Variants in LLGL2 observed in about 807,000 individuals in gnomAD.
LLGL2 encodes LLGL2, scribble cell polarity complex component.
A neutral mutation model predicts 123.2 loss-of-function variants in LLGL2; 81 were observed. The ratio of observed to expected loss-of-function variants is 0.66; its 90% CI spans 0.55 to 0.79. The LOEUF is 0.79. LLGL2 is among the 30% of genes least tolerant of loss of function. The pLI is 0.00. For missense variants in LLGL2, 1,273 were observed against 1,414.6 expected, an observed-to-expected ratio of 0.90 and a Z score of 1.61; for synonymous variants, 577 against 594.1, an observed-to-expected ratio of 0.97 and a Z score of 0.42.
At chr17:75,536,787 A>G (rs2054018512) in intron 1 of LLGL2, among the ~76,000 whole-genome samples, 1 of 152,164 alleles carries the variant, frequency 6.6e-6, no homozygotes, top group Admixed American at 6.5e-5. Context: ...CTTTGTACAT[A>G]TAGTCCCATG....
chr17:75,563,517 G>T, intron 8 of LLGL2, 54 bp downstream of exon 8: 1 of 1,601,292 alleles, frequency 6.2e-7, no homozygotes, highest in Non-Finnish European at 8.5e-7. Context: ...CTGGATTCAG[G>T]TGCAGGTTGC....
At chr17:75,535,258 T>C (rs2053956204) in intron 1 of LLGL2, among the ~76,000 whole-genome samples, 1 of 152,224 alleles carries the variant, frequency 6.6e-6, no homozygotes, top group South Asian at 2.1e-4. Flanking sequence ...CACTCAGGCC[T>C]CACACAGGAT....
At position 75,571,060 on chromosome 17, in the gene LLGL2, C is replaced by T. The variant is rs763958592; in HGVS notation, c.2136C>T (p.Phe712=). The change falls in exon 17 of 26, where the codon TTC becomes TTT. Residue 712 remains phenylalanine, a synonymous_variant. Transcript: ENST00000392550. ...ARSAEDSFTG[F]VRTLYFADTY... is the part of the protein sequence containing the mutation. ...CGGCAGAGGACTCCTTCACAGGCTT[C>T]GTCCGGACCCTGTACTTTGCTGACA... 35 of 1,612,720 alleles carry T rather than the reference C, an allele frequency of 2.2e-5. No homozygotes were observed. The highest frequency in any genetic ancestry group is 4.5e-5 in the East Asian group (2 of 44,864).
intron 1 of LLGL2, among the ~76,000 whole-genome samples, chr17:75,539,004 C>T (rs571733619): frequency 7.2e-4 from 110 of 152,182 alleles, no homozygotes; most frequent in Admixed American, 1.0e-3. Flanking sequence ...CTGATCTTCC[C>T]GCCTCAGCCT....
At chr17:75,532,458 C>G (rs1398460401) in intron 1 of LLGL2, 1 of 152,216 alleles carries the variant, frequency 6.6e-6, no homozygotes, top group Non-Finnish European at 1.5e-5. Context: ...GAGTCTCGCT[C>G]TGTCGCCCAG....
chr17:75,526,277 C>CT (rs1206270627), intron 1 of LLGL2, among the ~76,000 whole-genome samples: 4 of 152,278 alleles, frequency 2.6e-5, no homozygotes, highest in African/African-American at 9.6e-5. Flanking sequence ...CCCCTGCCAT[C>CT]TGGGCTGTGT....
Position 75,552,940 on chromosome 17 carries a change from C to T in LLGL2, c.76-3106C>T, listed in dbSNP as rs1598574243. Among the ~76,000 whole-genome samples, 3 of 152,334 alleles carry T rather than the reference C, an allele frequency of 2.0e-5. No homozygotes were observed. In the South Asian group the frequency reaches 6.2e-4, roughly 32 times the overall value. ...GTAGGGCATTTCCACCAGAGTCCTC[C>T]AAATTCCAGAGGCTGTTCCCTGAGC... On this transcript the variant is annotated intron_variant, in intron 2 of 25. Coordinates refer to ENST00000392550, the MANE Select transcript of LLGL2 (RefSeq NM_001031803.2).
chr17:75,550,654 G>A (rs987730004), intron 2 of LLGL2, among the ~76,000 whole-genome samples: 5 of 151,846 alleles, frequency 3.3e-5, no homozygotes, highest in Non-Finnish European at 7.4e-5. Flanking sequence ...CTGTGGTGGC[G>A]CATGCCTGTA....
intron 8 of LLGL2, 82 bp downstream of exon 8, chr17:75,563,545 T>A: frequency 6.3e-7 from 1 of 1,580,652 alleles, no homozygotes; most frequent in Non-Finnish European, 8.6e-7. Context: ...TGAAGCAAAC[T>A]CCAGGGCCAG....
chr17:75,571,001 C>T lies in LLGL2; in HGVS notation c.2077C>T (p.Leu693=), dbSNP rs1453223484. Residue 693 remains leucine (L), a synonymous_variant, in exon 17 of 26, where the codon CTG becomes TTG. Coordinates refer to ENST00000392550, the MANE Select transcript of LLGL2 (RefSeq NM_001031803.2). The part of the protein sequence containing the change: ...AERPGLQNME[L]APVQRKIEAR... The stretch of plus-strand genomic sequence containing the variant: ...GCGGCCAGGCCTCCAGAACATGGAG[C>T]TGGCGCCTGTGCAGCGCAAGATCGA... 5.0e-6 allele frequency: 8 copies of T among 1,612,850 alleles called. No homozygotes were observed. The African/African-American group carries it at 5.3e-5, about 11-fold the overall frequency.
chr17:75,570,980 C>G lies in LLGL2; in HGVS notation c.2056C>G (p.Pro686Ala), dbSNP rs1008443817. ...AQEGSAKAER[P>A]GLQNMELAPV... is the part of the protein sequence containing the mutation. ...GGAGGGGAGTGCCAAGGCTGAGCGG[C>G]CAGGCCTCCAGAACATGGAGCTGGC... Residue 686 changes from proline (P) to alanine (A), a missense_variant, in exon 17 of 26, where the codon CCA (proline) becomes GCA (alanine). Coordinates refer to ENST00000392550, the MANE Select transcript of LLGL2 (RefSeq NM_001031803.2). The G allele has an allele frequency of 6.2e-6, 10 of 1,612,024 alleles. No individual in the cohort carries two copies. Among genetic ancestry groups the G allele is most frequent in the Non-Finnish European group, 8.5e-6 (10 of 1,179,410 alleles).
At chr17:75,560,396 C>A (rs1464304357) in intron 6 of LLGL2, among the ~76,000 whole-genome samples, 2 of 152,018 alleles carry the variant, frequency 1.3e-5, no homozygotes, top group Admixed American at 1.3e-4. Flanking sequence ...CCAGCCTCAC[C>A]CTGTAGTTAG....
chr17:75,536,479 G>A (rs1409240184), intron 1 of LLGL2, among the ~76,000 whole-genome samples: 1 of 152,168 alleles, frequency 6.6e-6, no homozygotes, highest in Admixed American at 6.5e-5. Context: ...CCGCCTTTCC[G>A]GGCCTAACTA....
intron 10 of LLGL2, among the ~76,000 whole-genome samples, chr17:75,566,357 G>A (rs1671022): frequency 0.25 from 37,308 of 152,190 alleles, 4,621 homozygotes; most frequent in Non-Finnish European, 0.26. Context: ...GAGCAAAGAC[G>A]GGAGCCCAGT....
chr17:75,548,496 G>C (rs28406696), intron 2 of LLGL2, among the ~76,000 whole-genome samples: 1 of 151,990 alleles, frequency 6.6e-6, no homozygotes, highest in African/African-American at 2.4e-5. Flanking sequence ...AGAATAACCA[G>C]CTCAAAGTAT....
At position 75,543,347 on chromosome 17, in the gene LLGL2, C is replaced by T. The variant is rs1598538830; in HGVS notation, c.-30-50C>T. 7.4e-6 allele frequency: 10 copies of T among 1,355,938 alleles called. 1 individual carries two copies. Among genetic ancestry groups the T allele is most frequent in the Middle Eastern group, 4.8e-4 (2 of 4,178 alleles). The allele number at this position is 1,355,938 out of a possible 1,614,324, so 84.0% of individuals were successfully genotyped here. A position where few individuals can be genotyped will look rare whatever the true frequency, so the allele number is the denominator to read the frequency against. ...TCCACCTGTTTGGGCCGGGCCTAAT[C>T]GATACCTGAGTGCCAGGACAGACCC... On this transcript the variant is annotated intron_variant, in intron 1 of 25. Coordinates refer to ENST00000392550, the MANE Select transcript of LLGL2 (RefSeq NM_001031803.2).
At chr17:75,547,702 G>A (rs1357054286) in intron 2 of LLGL2, among the ~76,000 whole-genome samples, 1 of 152,132 alleles carries the variant, frequency 6.6e-6, no homozygotes, top group Non-Finnish European at 1.5e-5. Context: ...GCACACGCCT[G>A]TAGTCTCAGC....
chr17:75,571,863 C>A, intron 18 of LLGL2, 35 bp from the exon 19 acceptor site: 1 of 1,608,864 alleles, frequency 6.2e-7, no homozygotes. Context: ...CCTGCCACCC[C>A]CTCACCAGCC....
chr17:75,570,598 G>A, intron 16 of LLGL2, 100 bp downstream of exon 16: 1 of 1,400,334 alleles, frequency 7.1e-7, no homozygotes, highest in Non-Finnish European at 9.5e-7. Flanking sequence ...GGCTTGCTAG[G>A]CTACAAACAA....
Sources: gnomAD v4.1 joint callset for allele counts (sites outside exome capture counted in the v4.1 genomes callset) on GRCh38, gnomAD v4.1.1 for gene constraint, MANE v1.5 for transcripts, NCBI Gene and HGNC (gene_info 2026-07-23, HGNC 2026-07-21) for gene names.